The following MAPKAP1 variants were observed in gnomAD, a reference collection of about 807,000 sequenced individuals.
MAPKAP1 encodes the protein target of rapamycin complex 2 subunit MAPKAP1.
A neutral mutation model predicts 65.7 loss-of-function variants in MAPKAP1; 20 were observed. The ratio of observed to expected loss-of-function variants is 0.30; its 90% CI spans 0.21 to 0.44. The LOEUF is 0.44. Among genes scored for constraint, MAPKAP1 ranks in the 20% least tolerant of loss-of-function variants. The pLI, the probability that MAPKAP1 is intolerant of heterozygous loss-of-function variation, is 1.00. For missense variants in MAPKAP1, 423 were observed against 648.0 expected (o/e 0.65, Z 3.77); for synonymous variants, 222 against 244.3 (o/e 0.91, Z 0.85).
At chr9:125,621,053 G>A (rs1832882727) in intron 4 of MAPKAP1, among the ~76,000 whole-genome samples, 1 of 152,068 alleles carries the variant, frequency 6.6e-6, no homozygotes, top group Non-Finnish European at 1.5e-5. Flanking sequence ...GGGCAGACTG[G>A]TTGAGCGCAG....
chr9:125,543,308 C>G (rs910469894), intron 6 of MAPKAP1, 140 bp from the exon 7 acceptor site: 10 of 614,774 alleles, frequency 1.6e-5, no homozygotes, highest in Non-Finnish European at 2.6e-5. Context: ...GCTCTGTCAC[C>G]CAGGCTGGAG....
At chr9:125,527,567 ATATC>A (rs1316322428) in intron 7 of MAPKAP1, among the ~76,000 whole-genome samples, 1 of 152,184 alleles carries the variant, frequency 6.6e-6, no homozygotes, top group Non-Finnish European at 1.5e-5. Context: ...ATATCAGACA[ATATC>A]TATTAACTTA....
intron 4 of MAPKAP1, among the ~76,000 whole-genome samples, chr9:125,590,506 C>T (rs4838275): frequency 0.27 from 40,516 of 151,738 alleles, 6,547 homozygotes; most frequent in Non-Finnish European, 0.36. Context: ...AAAAATCAGC[C>T]GGGTGTGGTG....
chr9:125,681,181 G>T (rs563667934), intron 1 of MAPKAP1, among the ~76,000 whole-genome samples: 1 of 152,310 alleles, frequency 6.6e-6, no homozygotes, highest in East Asian at 1.9e-4. Context: ...CCATCAAGAG[G>T]TGGAGTCTAT....
chr9:125,647,208 A>G (rs944883897), intron 4 of MAPKAP1, among the ~76,000 whole-genome samples: 3 of 152,228 alleles, frequency 2.0e-5, no homozygotes, highest in African/African-American at 7.2e-5. Context: ...AATTTCTTAC[A>G]TGTATCTTTG....
At chr9:125,577,272 C>T (rs1382254570) in intron 5 of MAPKAP1, among the ~76,000 whole-genome samples, 1 of 150,886 alleles carries the variant, frequency 6.6e-6, no homozygotes, top group East Asian at 2.0e-4. Flanking sequence ...GTGAGGAGCC[C>T]CTCCACCCAG....
chr9:125,626,451 G>A (rs1291057102), intron 4 of MAPKAP1, among the ~76,000 whole-genome samples: 4 of 152,028 alleles, frequency 2.6e-5, no homozygotes, highest in Non-Finnish European at 5.9e-5. Flanking sequence ...TGTTGGGTGA[G>A]TCATGCCAAT....
chr9:125,681,353 G>GT (rs1168604568), intron 1 of MAPKAP1, among the ~76,000 whole-genome samples: 1 of 152,178 alleles, frequency 6.6e-6, no homozygotes, highest in Non-Finnish European at 1.5e-5. Context: ...AAAGTCAGGG[G>GT]TAAAAGACTA....
chr9:125,677,043 A>G (rs1588064424), intron 1 of MAPKAP1, among the ~76,000 whole-genome samples: 1 of 152,370 alleles, frequency 6.6e-6, no homozygotes, highest in East Asian at 1.9e-4. Context: ...CGTTTCACAG[A>G]ACAAGGTTTA....
At chr9:125,626,179 T>TA (rs1474542813) in intron 4 of MAPKAP1, among the ~76,000 whole-genome samples, 1 of 152,242 alleles carries the variant, frequency 6.6e-6, no homozygotes, top group Non-Finnish European at 1.5e-5. Context: ...GCTTTAGTCA[T>TA]AAAATAGGTC....
At chr9:125,508,604 G>A (rs1201642045) in intron 7 of MAPKAP1, among the ~76,000 whole-genome samples, 2 of 152,104 alleles carry the variant, frequency 1.3e-5, no homozygotes, top group African/African-American at 4.8e-5. Flanking sequence ...TTATCCCAGC[G>A]CTTTGGGGGA....
chr9:125,618,980 T>A (rs1832821847), intron 4 of MAPKAP1, among the ~76,000 whole-genome samples: 1 of 152,064 alleles, frequency 6.6e-6, no homozygotes, highest in African/African-American at 2.4e-5. Flanking sequence ...AAAATTTTTT[T>A]AAATTAGCTG....
At chr9:125,573,173 C>G (rs1273203814) in intron 5 of MAPKAP1, 1 of 151,054 alleles carries the variant, frequency 6.6e-6, no homozygotes, top group Non-Finnish European at 1.5e-5. Flanking sequence ...TAAAATGAGG[C>G]TGAAACCTAC....
At chr9:125,494,150 T>A (rs183646292) in intron 8 of MAPKAP1, among the ~76,000 whole-genome samples, 2 of 152,234 alleles carry the variant, frequency 1.3e-5, no homozygotes, top group East Asian at 1.9e-4. Context: ...TCTGCATCCA[T>A]CACATTTTTT....
chr9:125,503,457 T>C (rs12351825), intron 8 of MAPKAP1, among the ~76,000 whole-genome samples: 45,760 of 152,154 alleles, frequency 0.3, 7,965 homozygotes, highest in Middle Eastern at 0.4. Flanking sequence ...GATTCTTTTC[T>C]ATCTTGTGCT....
rs906732364 is a variant in MAPKAP1, at chr9:125,690,443, G to A, written c.-70+16528C>T. On this transcript the variant is annotated intron_variant, in intron 1 of 11. Coordinates refer to ENST00000265960, the MANE Select transcript of MAPKAP1 (RefSeq NM_001006617.3). ...GAGAGGCTGAAAGCAAACAATCTTC[G>A]GACTGCCTGGCTTCAAACCTGGACC... is the stretch of plus-strand genomic sequence containing the variant. Among the ~76,000 whole-genome samples, 75 of 152,298 alleles carry A rather than the reference G, an allele frequency of 4.9e-4. 1 individual carries two copies. Among genetic ancestry groups the A allele is most frequent in the African/African-American group, 1.7e-3 (71 of 41,560 alleles).
At chr9:125,629,600 C>G (rs1486032301) in intron 4 of MAPKAP1, among the ~76,000 whole-genome samples, 1 of 152,096 alleles carries the variant, frequency 6.6e-6, no homozygotes, top group Non-Finnish European at 1.5e-5. Context: ...AAGTAGCTGC[C>G]AGGGCTGGGG....
intron 1 of MAPKAP1, among the ~76,000 whole-genome samples, chr9:125,683,463 G>A (rs2131828249): frequency 6.6e-6 from 1 of 152,260 alleles, no homozygotes; most frequent in Non-Finnish European, 1.5e-5. Flanking sequence ...GAAGCAAACA[G>A]CTATGTTATG....
At chr9:125,451,963 C>A (rs1179067480) in intron 10 of MAPKAP1, among the ~76,000 whole-genome samples, 2 of 152,162 alleles carry the variant, frequency 1.3e-5, no homozygotes, top group Admixed American at 1.3e-4. Context: ...GCGCCTGCCA[C>A]CACGCCAGGC....
Sources: allele counts gnomAD v4.1 joint callset (sites outside exome capture counted in the v4.1 genomes callset), GRCh38; gene constraint gnomAD v4.1.1; transcripts MANE v1.5; gene names NCBI Gene and HGNC (gene_info 2026-07-23, HGNC 2026-07-21).